Variants in SLF2 observed in about 807,000 individuals in gnomAD.
SLF2 encodes SMC5-SMC6 complex localization factor protein 2.
SLF2 carries 68 observed loss-of-function variants against 124.3 expected under a neutral mutation model. The ratio of observed to expected loss-of-function variants is 0.55; its 90% confidence interval spans 0.45 to 0.67. The LOEUF is 0.67. Ranked by LOEUF, SLF2 falls within the 30% of genes least tolerant of loss-of-function variation. The pLI is 0.00. For missense variants in SLF2, 1,246 were observed against 1,373.7 expected (o/e 0.91, Z 1.47); for synonymous variants, 480 against 478.8 (o/e 1.00, Z -0.03).
At chr10:100,939,903 A>ATCCC (rs1849934580) in intron 11 of SLF2, among the ~76,000 whole-genome samples, 1 of 152,202 alleles carries the variant, frequency 6.6e-6, no homozygotes, top group African/African-American at 2.4e-5. Flanking sequence ...GGTTACTCAG[A>ATCCC]TGTAATCTGT....
At chr10:100,914,302 G>A (rs1009214182) in intron 1 of SLF2, among the ~76,000 whole-genome samples, 3 of 118,376 alleles carry the variant, frequency 2.5e-5, no homozygotes, top group Non-Finnish European at 6.4e-5. Flanking sequence ...ATAATTGTGT[G>A]TGTGTGTGTG....
chr10:100,955,084 T>TA (rs1190432965), intron 17 of SLF2, among the ~76,000 whole-genome samples: 1 of 150,778 alleles, frequency 6.6e-6, no homozygotes, highest in African/African-American at 2.4e-5. Flanking sequence ...GGACTACAGG[T>TA]ACCCGCCACC....
chr10:100,960,817 G>A (rs1025082303), intron 19 of SLF2, among the ~76,000 whole-genome samples: 2 of 151,462 alleles, frequency 1.3e-5, no homozygotes, highest in Admixed American at 1.3e-4. Flanking sequence ...GCCTAAGAGG[G>A]ACATTTTTTT....
intron 15 of SLF2, among the ~76,000 whole-genome samples, chr10:100,948,537 G>A (rs1239861817): frequency 6.6e-6 from 1 of 152,022 alleles, no homozygotes; most frequent in African/African-American, 2.4e-5. Flanking sequence ...AATTCTGAAG[G>A]CTTTTTATAA....
chr10:100,927,632 T>TA (rs930939249), intron 6 of SLF2, among the ~76,000 whole-genome samples: 2 of 152,202 alleles, frequency 1.3e-5, no homozygotes, highest in Non-Finnish European at 2.9e-5. Context: ...GATTATATGG[T>TA]AATTCCGTTT....
Position 100,950,294 on chromosome 10 carries a change from T to C in SLF2, c.3252+87T>C. Reference sequence around the variant, plus strand: ...CCATAGACTGATATGTAGGCATTTCTGGATTTGGACACTAGACACATTCTA... The same window carrying C: ...CCATAGACTGATATGTAGGCATTTCCGGATTTGGACACTAGACACATTCTA... On this transcript the variant is annotated intron_variant, in intron 16 of 19. Transcript: ENST00000238961. 6 of 1,391,090 alleles carry C rather than the reference T, an allele frequency of 4.3e-6. No individual in the cohort carries two copies. In the South Asian group the frequency reaches 1.0e-4, roughly 24 times the overall value. The allele number at this position is 1,391,090 out of a possible 1,614,324, so 86.2% of individuals were successfully genotyped here. A position where few individuals can be genotyped will look rare whatever the true frequency, so the allele number is the denominator to read the frequency against.
At chr10:100,915,026 G>A (rs1029008585) in intron 1 of SLF2, among the ~76,000 whole-genome samples, 4 of 151,720 alleles carry the variant, frequency 2.6e-5, no homozygotes, top group Admixed American at 2.0e-4. Context: ...CCCCTTTTTT[G>A]CAGCTGACAA....
intron 1 of SLF2, chr10:100,913,575 C>G (rs755266809): frequency 8.2e-5 from 98 of 1,193,004 alleles, no homozygotes; most frequent in Non-Finnish European, 1.0e-4. Context: ...ATATTTAGAT[C>G]GTTTTCTGTA....
chr10:100,957,971 C>T (rs1444331996), intron 18 of SLF2, among the ~76,000 whole-genome samples: 2 of 152,082 alleles, frequency 1.3e-5, no homozygotes, highest in Non-Finnish European at 1.5e-5. Context: ...ATCCCTTGAA[C>T]CCAGGAGGCA....
Position 100,916,890 on chromosome 10 carries a change from C to T in SLF2, c.505C>T (p.Arg169Ter). 2 of 1,614,066 alleles carry T rather than the reference C, an allele frequency of 1.2e-6. No individual in the cohort carries two copies. Among genetic ancestry groups the T allele is most frequent in the Non-Finnish European group, 1.7e-6 (2 of 1,180,018 alleles). ...KEMKSLKKKH[R>*]SPERRKSLFI... ...GATGAAGTCACTAAAGAAAAAACAT[C>T]GATCCCCAGAGAGAAGGAAGTCACT... The change falls in exon 3 of 20, where the codon CGA (arginine) becomes TGA (stop). Residue 169 changes from arginine (R) to a stop codon, truncating the protein, a stop_gained. Coordinates refer to ENST00000238961, the MANE Select transcript of SLF2 (RefSeq NM_018121.4). LOFTEE classifies it high-confidence loss of function.
chr10:100,960,740 CTTTATT>C (rs1187242998), intron 19 of SLF2, among the ~76,000 whole-genome samples: 1 of 151,602 alleles, frequency 6.6e-6, no homozygotes, highest in Non-Finnish European at 1.5e-5. Flanking sequence ...GTTGCCTTTC[CTTTATT>C]TTTATTTATT....
At chr10:100,925,562 T>C (rs1849597360) in intron 5 of SLF2, among the ~76,000 whole-genome samples, 1 of 152,236 alleles carries the variant, frequency 6.6e-6, no homozygotes, top group Non-Finnish European at 1.5e-5. Flanking sequence ...ATAAGCTGAA[T>C]TAAATTCTAA....
In SLF2 at chr10:100,961,850, CCTCTTTTTT is replaced by C. The variant is rs1351295699; in HGVS notation, c.3487-23_3487-15del. ...ATAATATGATTAAATTTTGCTTTAC[CCTCTTTTTT>C]CTCCTTCCCTTTTTTAGGGGCAGCT... is the stretch of plus-strand genomic sequence containing the variant. On this transcript the variant is annotated intron_variant, in intron 19 of 19. Coordinates refer to ENST00000238961, the MANE Select transcript of SLF2 (RefSeq NM_018121.4). 1 of 1,601,218 alleles carries C rather than the reference CCTCTTTTTT, an allele frequency of 6.2e-7. No homozygotes were observed. The highest frequency in any genetic ancestry group is 1.7e-5 in the Admixed American group (1 of 59,628).
At chr10:100,956,722 C>T (rs1245122755) in intron 18 of SLF2, among the ~76,000 whole-genome samples, 185 bp downstream of exon 18, 3 of 151,954 alleles carry the variant, frequency 2.0e-5, no homozygotes, top group Non-Finnish European at 4.4e-5. Context: ...GCCAGGAGTT[C>T]AAGACCAGCC....
chr10:100,946,165 T>G (rs1850099858), intron 13 of SLF2, among the ~76,000 whole-genome samples: 1 of 152,116 alleles, frequency 6.6e-6, no homozygotes, highest in South Asian at 2.1e-4. Context: ...TATAATAAAT[T>G]CCTAAGTATC....
At chr10:100,933,476 A>C (rs1362159679) in intron 9 of SLF2, among the ~76,000 whole-genome samples, 2 of 151,972 alleles carry the variant, frequency 1.3e-5, no homozygotes, top group East Asian at 3.9e-4. Flanking sequence ...TTAATGCTAT[A>C]CTCCTAACCA....
chr10:100,956,411 C>T, intron 17 of SLF2, 40 bp from the exon 18 acceptor site: 2 of 1,405,422 alleles, frequency 1.4e-6, no homozygotes, highest in Non-Finnish European at 2.0e-6. Context: ...ATTTGTAATG[C>T]TTCAGAATTG....
chr10:100,946,944 C>A, intron 13 of SLF2, 95 bp from the exon 14 acceptor site: 2 of 948,264 alleles, frequency 2.1e-6, no homozygotes, highest in Non-Finnish European at 3.4e-6. Context: ...TGTACTAGTG[C>A]TTCCATTATG....
intron 11 of SLF2, among the ~76,000 whole-genome samples, chr10:100,939,853 A>T (rs770011531): frequency 2.0e-5 from 3 of 152,108 alleles, no homozygotes; most frequent in African/African-American, 7.2e-5. Flanking sequence ...TTTCACTTAA[A>T]CATTATGAAA....
Sources: gnomAD v4.1 joint callset for allele counts (sites outside exome capture counted in the v4.1 genomes callset) on GRCh38, gnomAD v4.1.1 for gene constraint, MANE v1.5 for transcripts, NCBI Gene and HGNC (gene_info 2026-07-23, HGNC 2026-07-21) for gene names.